KCNK1: variants seen among roughly 807,000 people sequenced by gnomAD.
KCNK1 encodes the protein potassium channel subfamily K member 1.
A neutral mutation model predicts 22.2 loss-of-function variants in KCNK1; 10 were observed. The ratio of observed to expected loss-of-function variants is 0.45; its 90% CI spans 0.28 to 0.76. The LOEUF (loss-of-function observed/expected upper bound fraction) is 0.76. Ranked by LOEUF, KCNK1 falls within the 30% of genes least tolerant of loss-of-function variation. KCNK1 has a pLI of 0.14. For synonymous variants in KCNK1, 200 were observed against 186.4 expected, an observed-to-expected ratio of 1.07 and a Z score of -0.60; for missense variants, 378 against 421.0, an observed-to-expected ratio of 0.90 and a Z score of 0.89.
intron 1 of KCNK1, among the ~76,000 whole-genome samples, chr1:233,653,517 C>G (rs1658235363): frequency 6.6e-6 from 1 of 152,186 alleles, no homozygotes; most frequent in Non-Finnish European, 1.5e-5. Flanking sequence ...GCATTTGAAT[C>G]AGTAGACTGA....
At chr1:233,639,611 G>A (rs7518174) in intron 1 of KCNK1, among the ~76,000 whole-genome samples, 50,465 of 151,858 alleles carry the variant, frequency 0.33, 8,796 homozygotes, top group African/African-American at 0.45. Context: ...CTATATTTGT[G>A]TCAAATACTT....
At chr1:233,641,166 G>C (rs1158250160) in intron 1 of KCNK1, among the ~76,000 whole-genome samples, 2 of 152,198 alleles carry the variant, frequency 1.3e-5, no homozygotes, top group African/African-American at 4.8e-5. Flanking sequence ...ACACTCTGTA[G>C]GTCCTTAGAG....
At chr1:233,638,081 T>C (rs562351758) in intron 1 of KCNK1, among the ~76,000 whole-genome samples, 12 of 152,050 alleles carry the variant, frequency 7.9e-5, no homozygotes, top group Non-Finnish European at 1.6e-4. Context: ...GGGGCATTGA[T>C]TATAACAGTT....
At chr1:233,620,826 A>G (rs1657573610) in intron 1 of KCNK1, among the ~76,000 whole-genome samples, 1 of 152,332 alleles carries the variant, frequency 6.6e-6, no homozygotes, top group African/African-American at 2.4e-5. Context: ...AAAGATAAAT[A>G]GTTAAAAAAT....
At chr1:233,643,534 C>A (rs1158190974) in intron 1 of KCNK1, among the ~76,000 whole-genome samples, 1 of 152,188 alleles carries the variant, frequency 6.6e-6, no homozygotes, top group Non-Finnish European at 1.5e-5. Flanking sequence ...CAGTGCTTCT[C>A]TTTATCTTAT....
chr1:233,620,098 G>A (rs181456167), intron 1 of KCNK1, among the ~76,000 whole-genome samples: 2 of 152,310 alleles, frequency 1.3e-5, no homozygotes, highest in Admixed American at 1.3e-4. Flanking sequence ...TTCTGACACA[G>A]TCAAGTTTTA....
At chr1:233,641,117 A>G (rs1273803865) in intron 1 of KCNK1, among the ~76,000 whole-genome samples, 1 of 152,172 alleles carries the variant, frequency 6.6e-6, no homozygotes, top group Non-Finnish European at 1.5e-5. Flanking sequence ...TCAGCAAATA[A>G]ATGGAAGCAC....
intron 1 of KCNK1, among the ~76,000 whole-genome samples, chr1:233,633,346 G>A (rs1462436899): frequency 1.3e-5 from 2 of 151,968 alleles, no homozygotes; most frequent in Admixed American, 6.6e-5. Context: ...GGATTCTTCT[G>A]CAGAGCATTT....
intron 1 of KCNK1, chr1:233,629,524 T>G (rs1476645117): frequency 1.3e-5 from 2 of 151,746 alleles, no homozygotes; most frequent in African/African-American, 4.9e-5. Flanking sequence ...GCACTGAAGG[T>G]GGAGGTGAGA....
intron 1 of KCNK1, among the ~76,000 whole-genome samples, chr1:233,619,771 G>A (rs937874482): frequency 7.9e-5 from 12 of 152,086 alleles, no homozygotes; most frequent in African/African-American, 2.2e-4. Flanking sequence ...TTAGCCAGGC[G>A]TGGTGGTGCA....
At chr1:233,625,004 A>C (rs984491162) in intron 1 of KCNK1, among the ~76,000 whole-genome samples, 1 of 152,238 alleles carries the variant, frequency 6.6e-6, no homozygotes, top group African/African-American at 2.4e-5. Context: ...AGTTTCACTG[A>C]AAATCACCTG....
At chr1:233,666,070 G>A (rs1042050026) in intron 1 of KCNK1, among the ~76,000 whole-genome samples, 2 of 152,044 alleles carry the variant, frequency 1.3e-5, no homozygotes. Flanking sequence ...CCTCTTACTG[G>A]ACTCATATTA....
At chr1:233,647,187 C>T (rs952294536) in intron 1 of KCNK1, among the ~76,000 whole-genome samples, 2 of 152,272 alleles carry the variant, frequency 1.3e-5, no homozygotes, top group Middle Eastern at 3.4e-3. Flanking sequence ...TCCTCTAAAT[C>T]GTTTTCTTTT....
In KCNK1 at chr1:233,666,764, C is replaced by G. The variant is rs374336519; in HGVS notation, c.525C>G (p.Ser175=). 8 of 1,614,074 alleles carry G rather than the reference C, an allele frequency of 5.0e-6. No homozygotes were observed. The highest frequency in any genetic ancestry group is 6.8e-6 in the Non-Finnish European group (8 of 1,180,046). The part of the protein sequence containing the change: ...VLYFHIRWGF[S]KQVVAIVHAV... The stretch of plus-strand genomic sequence containing the variant: ...ACTTCCACATCCGCTGGGGCTTCTC[C>G]AAGCAGGTGGTGGCCATCGTCCATG... Residue 175 remains serine (S), a synonymous_variant, in exon 2 of 3, where the codon TCC becomes TCG. Coordinates refer to ENST00000366621, the MANE Select transcript of KCNK1 (RefSeq NM_002245.4).
chr1:233,636,727 T>C (rs1355746949), intron 1 of KCNK1: 1 of 145,786 alleles, frequency 6.9e-6, no homozygotes, highest in Non-Finnish European at 1.5e-5. Context: ...TGGGGGGTGG[T>C]TAGTGATGTC....
chr1:233,657,149 G>A (rs1354956297), intron 1 of KCNK1, among the ~76,000 whole-genome samples: 2 of 152,178 alleles, frequency 1.3e-5, no homozygotes, highest in Non-Finnish European at 2.9e-5. Flanking sequence ...CAGTGAGGAT[G>A]AGTGAGGATG....
At chr1:233,628,009 A>G (rs1217841585) in intron 1 of KCNK1, among the ~76,000 whole-genome samples, 1 of 152,114 alleles carries the variant, frequency 6.6e-6, no homozygotes, top group African/African-American at 2.4e-5. Context: ...TTGTGCGTTG[A>G]CTTGTGTTAG....
At chr1:233,656,052 G>A (rs775412983) in intron 1 of KCNK1, among the ~76,000 whole-genome samples, 11 of 152,280 alleles carry the variant, frequency 7.2e-5, no homozygotes, top group Middle Eastern at 3.4e-3. Context: ...TGAAGGAAAC[G>A]ACAGTTTTGT....
In KCNK1 at chr1:233,671,514, G is replaced by A. The variant is rs1456856745; in HGVS notation, c.995G>A (p.Gly332Asp). ...VATQSSACVD[G>D]PANH Reference sequence around the variant, plus strand: ...ACCCAGTCATCTGCCTGCGTGGATGGCCCTGCAAACCATTGAGCGTAGGAT... The same window carrying A: ...ACCCAGTCATCTGCCTGCGTGGATGACCCTGCAAACCATTGAGCGTAGGAT... The change falls in exon 3 of 3, where the codon GGC becomes GAC. Residue 332 changes from glycine to aspartate, a missense_variant. By Grantham distance (94) the Gly-to-Asp change is moderately conservative (BLOSUM62 -1). Coordinates refer to ENST00000366621, the MANE Select transcript of KCNK1 (RefSeq NM_002245.4). 6.2e-7 allele frequency: 1 copy of A among 1,614,066 alleles called. No individual in the cohort carries two copies. Among genetic ancestry groups the A allele is most frequent in the Non-Finnish European group, 8.5e-7 (1 of 1,180,044 alleles).
Sources: allele counts gnomAD v4.1 joint callset (sites outside exome capture counted in the v4.1 genomes callset), GRCh38; gene constraint gnomAD v4.1.1; transcripts MANE v1.5; gene names NCBI Gene and HGNC (gene_info 2026-07-23, HGNC 2026-07-21).